Variants in ADAMTS17 observed in about 807,000 individuals in gnomAD.
The protein encoded by ADAMTS17 is A disintegrin and metalloproteinase with thrombospondin motifs 17.
Under a neutral mutation model 141.5 loss-of-function variants are expected in ADAMTS17, and 113 were observed. That is an observed-to-expected ratio of 0.80 (90% CI 0.69 to 0.93). The LOEUF (loss-of-function observed/expected upper bound fraction) is 0.93. Among genes scored for constraint, ADAMTS17 ranks in the 40% least tolerant of loss-of-function variants. The probability of loss-of-function intolerance (pLI) is 0.00; values close to 1 mark genes in which losing one functional copy is unlikely to be tolerated. For missense variants in ADAMTS17, 1,659 were observed against 1,517.9 expected (o/e 1.09, Z -1.54); for synonymous variants, 768 against 630.6 (o/e 1.22, Z -3.27).
chr15:100,170,995 A>G (rs1463207760), intron 8 of ADAMTS17, among the ~76,000 whole-genome samples: 1 of 152,186 alleles, frequency 6.6e-6, no homozygotes, highest in Admixed American at 6.5e-5. Flanking sequence ...CCCCCACACC[A>G]GCTTCCTAGG....
chr15:100,103,941 G>A (rs1422588417), intron 14 of ADAMTS17, among the ~76,000 whole-genome samples: 1 of 152,210 alleles, frequency 6.6e-6, no homozygotes, highest in Non-Finnish European at 1.5e-5. Context: ...AGGTTAATGA[G>A]ACGTACTTCC....
At chr15:100,050,664 A>G (rs1034148569) in intron 17 of ADAMTS17, among the ~76,000 whole-genome samples, 5 of 152,222 alleles carry the variant, frequency 3.3e-5, no homozygotes, top group African/African-American at 1.2e-4. Context: ...AAAGTTATCC[A>G]AGCAGTCAAT....
intron 16 of ADAMTS17, 127 bp downstream of exon 16, chr15:100,053,770 A>G (rs2032327016): frequency 2.1e-6 from 3 of 1,410,532 alleles, no homozygotes; most frequent in South Asian, 2.3e-5. Flanking sequence ...AGGGGACGGC[A>G]TAAACCCCTG....
intron 20 of ADAMTS17, among the ~76,000 whole-genome samples, chr15:99,982,096 T>C (rs1462126734): frequency 1.3e-5 from 2 of 149,314 alleles, no homozygotes; most frequent in South Asian, 4.1e-4. Context: ...TAACAAACTC[T>C]TGTTTGTAGA....
At chr15:100,178,642 G>A (rs2040420122) in intron 8 of ADAMTS17, among the ~76,000 whole-genome samples, 1 of 151,824 alleles carries the variant, frequency 6.6e-6, no homozygotes, top group Non-Finnish European at 1.5e-5. Context: ...CTATTGTTCT[G>A]TTGTTCTTTT....
intron 12 of ADAMTS17, among the ~76,000 whole-genome samples, chr15:100,130,561 A>G (rs1438111477): frequency 2.6e-5 from 4 of 152,126 alleles, no homozygotes; most frequent in Non-Finnish European, 4.4e-5. Context: ...AGGTTCCAAC[A>G]TTGACTGCTG....
chr15:100,295,038 A>C (rs2044762113), intron 3 of ADAMTS17, among the ~76,000 whole-genome samples: 1 of 152,088 alleles, frequency 6.6e-6, no homozygotes. Context: ...CAGGACACCA[A>C]AGTCACCACA....
chr15:100,091,298 G>A (rs1014395717), intron 15 of ADAMTS17, among the ~76,000 whole-genome samples: 1 of 152,100 alleles, frequency 6.6e-6, no homozygotes, highest in Admixed American at 6.6e-5. Context: ...TATGAGGTAG[G>A]ATTTACTCTC....
intron 8 of ADAMTS17, among the ~76,000 whole-genome samples, chr15:100,160,232 A>G (rs1366902115): frequency 6.6e-6 from 1 of 152,230 alleles, no homozygotes; most frequent in African/African-American, 2.4e-5. Flanking sequence ...GATCAGAGGC[A>G]TCTCCCACCT....
In ADAMTS17 at chr15:100,207,094, G is replaced by A. The variant is rs574886720; in HGVS notation, c.1076-7671C>T. Reference sequence around the variant, plus strand: ...TCCAATGTCACTGTATTTGGAGACAGGGCCTTCAGGGAGGTGATGAAGGTT... The same window carrying A: ...TCCAATGTCACTGTATTTGGAGACAAGGCCTTCAGGGAGGTGATGAAGGTT... On this transcript the variant is annotated intron_variant, in intron 7 of 21. Coordinates refer to ENST00000268070, the MANE Select transcript of ADAMTS17 (RefSeq NM_139057.4). 2.0e-5 allele frequency among the ~76,000 whole-genome samples: 3 copies of A among 152,318 alleles called. No individual in the cohort carries two copies. The South Asian group carries it at 6.2e-4, about 32-fold the overall frequency.
intron 10 of ADAMTS17, among the ~76,000 whole-genome samples, chr15:100,143,591 C>T (rs1342735333): frequency 6.6e-6 from 1 of 152,184 alleles, no homozygotes; most frequent in Non-Finnish European, 1.5e-5. Context: ...CAACAAATGC[C>T]AGTTGTTGAT....
chr15:100,166,598 G>A (rs1267575283), intron 8 of ADAMTS17, among the ~76,000 whole-genome samples: 1 of 152,192 alleles, frequency 6.6e-6, no homozygotes, highest in Admixed American at 6.5e-5. Context: ...TGCTGCTACA[G>A]TGCAATAGTC....
At chr15:100,021,554 G>T (rs748599611) in intron 18 of ADAMTS17, among the ~76,000 whole-genome samples, 9 of 152,096 alleles carry the variant, frequency 5.9e-5, no homozygotes, top group Non-Finnish European at 7.4e-5. Context: ...TGAAACTTTC[G>T]ACGGCTCCCT....
chr15:100,306,156 T>C (rs759947131), intron 3 of ADAMTS17: 4 of 255,196 alleles, frequency 1.6e-5, no homozygotes, highest in Non-Finnish European at 2.4e-5. Context: ...TCACTAGCGG[T>C]GTCACCTACC....
intron 20 of ADAMTS17, among the ~76,000 whole-genome samples, chr15:99,992,414 T>C (rs2060707441): frequency 6.6e-6 from 1 of 152,218 alleles, no homozygotes; most frequent in Non-Finnish European, 1.5e-5. Flanking sequence ...AGAAGGTTCT[T>C]ACAGGTGGCA....
chr15:100,118,925 G>T (rs543283821), intron 12 of ADAMTS17, among the ~76,000 whole-genome samples: 1 of 152,074 alleles, frequency 6.6e-6, no homozygotes, highest in Non-Finnish European at 1.5e-5. Flanking sequence ...AGTGCAACCC[G>T]ATTTGGAAAC....
chr15:100,148,268 G>T (rs188084577), intron 10 of ADAMTS17, among the ~76,000 whole-genome samples: 10 of 152,332 alleles, frequency 6.6e-5, no homozygotes, highest in Admixed American at 3.3e-4. Context: ...AATGATCAAT[G>T]ATCTTTTGAA....
chr15:99,980,500 G>A (rs1797523692), intron 20 of ADAMTS17: 1 of 152,284 alleles, frequency 6.6e-6, no homozygotes, highest in African/African-American at 2.4e-5. Flanking sequence ...CTGGAGAGAG[G>A]AGCATGGGGC....
chr15:100,283,246 C>G (rs537218862), intron 3 of ADAMTS17, among the ~76,000 whole-genome samples: 1 of 152,256 alleles, frequency 6.6e-6, no homozygotes, highest in East Asian at 1.9e-4. Flanking sequence ...GCCTTCCGGG[C>G]CTCAGTGATG....
Sources: gnomAD v4.1 joint callset for allele counts (sites outside exome capture counted in the v4.1 genomes callset) on GRCh38, gnomAD v4.1.1 for gene constraint, MANE v1.5 for transcripts, NCBI Gene and HGNC (gene_info 2026-07-23, HGNC 2026-07-21) for gene names.